The following DCAF5 variants were observed in gnomAD, a reference collection of about 807,000 sequenced individuals.
DCAF5 encodes DDB1- and CUL4-associated factor 5.
In DCAF5, 9 loss-of-function variants were observed where a neutral mutation model predicts 80.7. The ratio of observed to expected loss-of-function variants is 0.11; its 90% CI spans 0.07 to 0.19. DCAF5 has a LOEUF of 0.19. DCAF5 is among the 10% of genes least tolerant of loss of function. The pLI is 1.00. For missense variants in DCAF5, 842 were observed against 1,205.7 expected (o/e 0.70, Z 4.47); for synonymous variants, 433 against 461.9 (o/e 0.94, Z 0.80).
chr14:69,074,408 G>A (rs975478725), intron 7 of DCAF5, among the ~76,000 whole-genome samples: 2 of 151,446 alleles, frequency 1.3e-5, no homozygotes, highest in Non-Finnish European at 2.9e-5. Context: ...AAAAAGAAAA[G>A]GGGGGGGAAA....
chr14:69,120,458 G>A (rs573898598), intron 2 of DCAF5, among the ~76,000 whole-genome samples: 1 of 152,186 alleles, frequency 6.6e-6, no homozygotes, highest in Non-Finnish European at 1.5e-5. Context: ...TGATGTGAAA[G>A]TTTTAATCTT....
chr14:69,058,506 C>T (rs976074543), intron 8 of DCAF5, among the ~76,000 whole-genome samples: 1 of 147,876 alleles, frequency 6.8e-6, no homozygotes, highest in East Asian at 2.1e-4. Context: ...GTGACAAGAG[C>T]GAAATCCTGT....
At chr14:69,100,766 T>C (rs2071153896) in intron 5 of DCAF5, among the ~76,000 whole-genome samples, 1 of 152,244 alleles carries the variant, frequency 6.6e-6, no homozygotes, top group Non-Finnish European at 1.5e-5. Context: ...TCTTGGAAAG[T>C]CTTCTACATA....
chr14:69,057,348 A>ATT (rs11483352), intron 8 of DCAF5, among the ~76,000 whole-genome samples: 258 of 148,048 alleles, frequency 1.7e-3, no homozygotes, highest in Admixed American at 4.6e-3. Context: ...AGCCCTTAGG[A>ATT]TTTTTTTTTT....
intron 6 of DCAF5, among the ~76,000 whole-genome samples, chr14:69,085,625 T>C (rs1225160078): frequency 1.3e-5 from 2 of 152,246 alleles, no homozygotes; most frequent in Non-Finnish European, 2.9e-5. Context: ...ATATCTCATC[T>C]TTCTTGTGAT....
chr14:69,146,099 TGTA>T (rs1168515521), intron 1 of DCAF5, among the ~76,000 whole-genome samples: 1 of 152,224 alleles, frequency 6.6e-6, no homozygotes, highest in East Asian at 1.9e-4. Flanking sequence ...AGCACGTGCT[TGTA>T]CCTGGGCTGA....
chr14:69,090,849 C>T (rs1013152451), intron 6 of DCAF5: 12 of 466,976 alleles, frequency 2.6e-5, no homozygotes, highest in African/African-American at 1.9e-4. Context: ...TTTCTTTTTC[C>T]CAATCTATAT....
At chr14:69,114,350 T>C (rs896135332) in intron 5 of DCAF5, among the ~76,000 whole-genome samples, 1 of 152,162 alleles carries the variant, frequency 6.6e-6, no homozygotes, top group African/African-American at 2.4e-5. Flanking sequence ...GGGTACATCA[T>C]ATAAATTGAA....
chr14:69,055,308 C>CT lies in DCAF5; in HGVS notation c.1377dup (p.Glu460ArgfsTer16), dbSNP rs1175607747. 6.2e-7 allele frequency: 1 copy of CT among 1,614,076 alleles called. No homozygotes were observed. The highest frequency in any genetic ancestry group is 1.3e-5 in the African/African-American group (1 of 74,936). ...GAGCGAGGCAATGAGGCCGAAGACT[C>CT]TGAGTCAGTGTAGCCTGAGCGCTCG... is the stretch of plus-strand genomic sequence containing the variant. On this transcript the variant is annotated frameshift_variant, in exon 9 of 9. Transcript: ENST00000341516. LOFTEE classifies it high-confidence loss of function. The surrounding 1 kb of genome is among the most constrained non-coding windows in gnomAD (Gnocchi z 5.6).
In DCAF5 at chr14:69,075,341, T is replaced by G; in HGVS notation, c.946+4A>C. ...CAGTACATTCATGTGAAGGATATAC[T>G]TGCCTGCTTCTGGATCTGCAGGAAT... On this transcript the variant is annotated splice_donor_region_variant and intron_variant, in intron 7 of 8. Coordinates refer to ENST00000341516, the MANE Select transcript of DCAF5 (RefSeq NM_003861.3). The G allele has an allele frequency of 6.2e-7, 1 of 1,605,016 alleles. No individual in the cohort carries two copies. Among genetic ancestry groups the G allele is most frequent in the Non-Finnish European group, 8.5e-7 (1 of 1,173,848 alleles).
At chr14:69,079,097 C>T (rs1366485932) in intron 6 of DCAF5, among the ~76,000 whole-genome samples, 3 of 152,126 alleles carry the variant, frequency 2.0e-5, no homozygotes, top group Admixed American at 6.6e-5. Context: ...CATACCACTG[C>T]AAACTAAACA....
At chr14:69,139,454 C>G (rs1026434307) in intron 1 of DCAF5, among the ~76,000 whole-genome samples, 1 of 151,816 alleles carries the variant, frequency 6.6e-6, no homozygotes, top group Non-Finnish European at 1.5e-5. Context: ...TAGCTATGAT[C>G]ATGCCACTGC....
At chr14:69,147,470 T>C (rs978152161) in intron 1 of DCAF5, among the ~76,000 whole-genome samples, 3 of 152,140 alleles carry the variant, frequency 2.0e-5, no homozygotes, top group African/African-American at 7.2e-5. Flanking sequence ...TTATTATCCT[T>C]ATTACATGGG....
chr14:69,055,547 G>A lies in DCAF5; in HGVS notation c.1139C>T (p.Ser380Phe), dbSNP rs770682014. ...GDLDGRIEDDSRCLYTHEEYI... is the reference protein window; with the variant it reads ...GDLDGRIEDDFRCLYTHEEYI... ...CTCTTCATGGGTATAGAGGCAGCGGGAATCGTCCTCAATCCGACCGTCGAG... is the reference window on the plus strand; with the variant it reads ...CTCTTCATGGGTATAGAGGCAGCGGAAATCGTCCTCAATCCGACCGTCGAG... Residue 380 changes from serine (S) to phenylalanine (F), a missense_variant, in exon 9 of 9, where the codon TCC becomes TTC. Ser to Phe is a radical substitution (Grantham distance 155). Around this residue, in one of 5 missense-constraint regions of DCAF5, gnomAD observed 65 missense variants for 191.3 expected, o/e 0.34. Coordinates refer to ENST00000341516, the MANE Select transcript of DCAF5 (RefSeq NM_003861.3). The surrounding 1 kb of genome is among the most constrained non-coding windows in gnomAD (Gnocchi z 5.6). 1 of 1,613,234 alleles carries A rather than the reference G, an allele frequency of 6.2e-7. No individual in the cohort carries two copies. The highest frequency in any genetic ancestry group is 1.1e-5 in the South Asian group (1 of 91,068).
chr14:69,077,198 G>A (rs1238537177), intron 6 of DCAF5, among the ~76,000 whole-genome samples: 4 of 152,070 alleles, frequency 2.6e-5, no homozygotes, highest in Non-Finnish European at 5.9e-5. Context: ...AAGGCCTACT[G>A]TTTTCCTTTT....
chr14:69,070,496 AG>A (rs2038644040), intron 7 of DCAF5, among the ~76,000 whole-genome samples: 1 of 152,268 alleles, frequency 6.6e-6, no homozygotes, highest in South Asian at 2.1e-4. Flanking sequence ...ACTGACGCTC[AG>A]ACAAATACTA....
rs151159736 is a variant in DCAF5, at chr14:69,055,552, G to A, written c.1134C>T (p.Asp378=). Residue 378 remains aspartate, a synonymous_variant, in exon 9 of 9, where the codon GAC becomes GAT. Transcript: ENST00000341516. The surrounding 1 kb of genome is among the most constrained non-coding windows in gnomAD (Gnocchi z 5.6). ...CATGGGTATAGAGGCAGCGGGAATC[G>A]TCCTCAATCCGACCGTCGAGGTCTC... ...CTGDLDGRIE[D]DSRCLYTHEE... The A allele has an allele frequency of 1.2e-4, 195 of 1,612,434 alleles. No homozygotes were observed. The highest frequency in any genetic ancestry group is 7.9e-4 in the African/African-American group (59 of 74,992).
chr14:69,098,511 A>C (rs1230926257), intron 5 of DCAF5, among the ~76,000 whole-genome samples: 1 of 152,090 alleles, frequency 6.6e-6, no homozygotes, highest in Admixed American at 6.5e-5. Context: ...CCCATGCTTA[A>C]ACGGTGCCAG....
chr14:69,114,520 G>A (rs1348328493), intron 5 of DCAF5, among the ~76,000 whole-genome samples: 2 of 152,106 alleles, frequency 1.3e-5, no homozygotes, highest in Non-Finnish European at 2.9e-5. Context: ...ATGCATAGTC[G>A]TATATACATT....
Sources: allele counts gnomAD v4.1 joint callset (sites outside exome capture counted in the v4.1 genomes callset), GRCh38; gene constraint gnomAD v4.1.1; regional missense constraint gnomAD v4.1.1; non-coding constraint Gnocchi (gnomAD v3.1); transcripts MANE v1.5; gene names NCBI Gene and HGNC (gene_info 2026-07-23, HGNC 2026-07-21).